Variants in OTUD4 observed in about 807,000 individuals in gnomAD.
OTUD4 encodes the protein OTU domain-containing protein 4.
In OTUD4, 24 loss-of-function variants were observed where a neutral mutation model predicts 130.4. The ratio of observed to expected loss-of-function variants is 0.18; its 90% CI spans 0.13 to 0.26. The LOEUF is 0.26. OTUD4 is among the 10% of genes least tolerant of loss of function. The pLI is 1.00. For synonymous variants in OTUD4, 420 were observed against 472.5 expected (o/e 0.89, Z 1.44); for missense variants, 1,031 against 1,329.4 (o/e 0.78, Z 3.49).
chr4:145,135,964 T>C lies in OTUD4; in HGVS notation c.*1466A>G, dbSNP rs1370052762. On this transcript the variant is annotated 3_prime_UTR_variant, in exon 21 of 21. Coordinates refer to ENST00000447906, the MANE Select transcript of OTUD4 (RefSeq NM_001366057.1). Reference sequence around the variant, plus strand: ...TTCAAGTGAATTGTATTTTCTTAAGTAATTTGCTTTACAAAAAAAGAAAGT... The same window carrying C: ...TTCAAGTGAATTGTATTTTCTTAAGCAATTTGCTTTACAAAAAAAGAAAGT... 3 of 152,640 alleles carry C rather than the reference T, an allele frequency of 2.0e-5. No homozygotes were observed. Among genetic ancestry groups the C allele is most frequent in the Non-Finnish European group, 4.4e-5 (3 of 68,020 alleles). 9.5% of individuals were successfully genotyped at this position (152,640 alleles called of 1,614,324 possible). A position where few individuals can be genotyped will look rare whatever the true frequency, so the allele number is the denominator to read the frequency against.
intron 13 of OTUD4, among the ~76,000 whole-genome samples, chr4:145,147,054 AGAGTT>A (rs552663157): frequency 5.7e-4 from 87 of 152,360 alleles, no homozygotes; most frequent in African/African-American, 1.9e-3. Flanking sequence ...ATTAATGAAT[AGAGTT>A]TAGTACCCTA....
chr4:145,152,596 C>A lies in OTUD4; in HGVS notation c.913G>T (p.Val305Phe), dbSNP rs768418667. ...DHNGKFLNAD[V>F]QGIHSENGPV... The stretch of plus-strand genomic sequence containing the variant: ...CCATTCTCAGAATGAATTCCTTGAA[C>A]ATCTGCATTCAAAAATTTTCCATTG... The change falls in exon 11 of 21, where the codon GTT becomes TTT. Residue 305 changes from valine (V) to phenylalanine (F), a missense_variant. Val to Phe is a conservative substitution (Grantham distance 50). Around this residue, in one of 3 missense-constraint regions of OTUD4, gnomAD observed 900 missense variants for 1,095.9 expected, o/e 0.82. Transcript: ENST00000447906. 6.2e-7 allele frequency: 1 copy of A among 1,612,018 alleles called. No homozygotes were observed. Among genetic ancestry groups the A allele is most frequent in the Admixed American group, 1.7e-5 (1 of 59,948 alleles).
At chr4:145,173,617 G>GT (rs1006109411) in intron 2 of OTUD4, among the ~76,000 whole-genome samples, 7 of 151,870 alleles carry the variant, frequency 4.6e-5, no homozygotes, top group African/African-American at 1.2e-4. Flanking sequence ...GCGTTACCAG[G>GT]TTTTTTTAAT....
intron 20 of OTUD4, among the ~76,000 whole-genome samples, chr4:145,139,121 G>A (rs1293976526): frequency 2.6e-5 from 4 of 152,006 alleles, no homozygotes; most frequent in Non-Finnish European, 4.4e-5. Flanking sequence ...AATCAGGGAG[G>A]GATAATGTTG....
intron 1 of OTUD4, among the ~76,000 whole-genome samples, chr4:145,179,307 GC>G (rs1253157445): frequency 6.6e-6 from 1 of 152,080 alleles, no homozygotes; most frequent in Non-Finnish European, 1.5e-5. Context: ...ACGGCAGTTT[GC>G]CCATTTGATT....
intron 13 of OTUD4, among the ~76,000 whole-genome samples, chr4:145,148,222 G>A (rs561832956): frequency 6.6e-6 from 1 of 152,290 alleles, no homozygotes; most frequent in African/African-American, 2.4e-5. Flanking sequence ...ATTAGAGGCC[G>A]GGTGCGGTGG....
chr4:145,147,338 T>C (rs550029598), intron 13 of OTUD4, among the ~76,000 whole-genome samples: 7 of 152,162 alleles, frequency 4.6e-5, no homozygotes, highest in Non-Finnish European at 7.3e-5. Context: ...ATAGGACAGA[T>C]GTCAGCCCTA....
At position 145,152,531 on chromosome 4, in the gene OTUD4, T is replaced by C; in HGVS notation, c.968+10A>G. 1.4e-6 allele frequency: 2 copies of C among 1,457,712 alleles called. No homozygotes were observed. The highest frequency in any genetic ancestry group is 1.9e-6 in the Non-Finnish European group (2 of 1,041,204). The allele number at this position is 1,457,712 out of a possible 1,614,324, so 90.3% of individuals were successfully genotyped here. A position where few individuals can be genotyped will look rare whatever the true frequency, so the allele number is the denominator to read the frequency against. Reference sequence around the variant, plus strand: ...GGCAGTAAATGCCTTAGCTGAAGAGTAGTACATACTTCTTTCCCAGTTCTT... The same window carrying C: ...GGCAGTAAATGCCTTAGCTGAAGAGCAGTACATACTTCTTTCCCAGTTCTT... On this transcript the variant is annotated intron_variant, in intron 11 of 20. Transcript: ENST00000447906.
chr4:145,146,461 CATAA>C lies in OTUD4; in HGVS notation c.1260-36_1260-33del, dbSNP rs55722437. On this transcript the variant is annotated intron_variant, in intron 13 of 20. Coordinates refer to ENST00000447906, the MANE Select transcript of OTUD4 (RefSeq NM_001366057.1). The stretch of plus-strand genomic sequence containing the variant: ...AATAAAACATTCTTGTCAGAAAATA[CATAA>C]ATAAATAAATAAATAAATAAATAAA... The C allele has an allele frequency of 6.7e-4, 632 of 946,104 alleles. 1 individual carries two copies. Among genetic ancestry groups the C allele is most frequent in the Middle Eastern group, 5.3e-3 (19 of 3,602 alleles). 58.6% of individuals were successfully genotyped at this position (946,104 alleles called of 1,614,324 possible).
Position 145,159,234 on chromosome 4 carries a change from G to A in OTUD4, c.629+269C>T. 4 of 1,238,004 alleles carry A rather than the reference G, an allele frequency of 3.2e-6. No homozygotes were observed. In the South Asian group the frequency reaches 7.3e-5, roughly 22 times the overall value. 76.7% of individuals were successfully genotyped at this position (1,238,004 alleles called of 1,614,324 possible). ...TTACAATACACACACATATAGGTAG[G>A]ACCAAATTTATTCTACAAATATGCA... On this transcript the variant is annotated intron_variant, in intron 7 of 20. Transcript: ENST00000447906.
intron 13 of OTUD4, among the ~76,000 whole-genome samples, chr4:145,147,086 T>G (rs1294426544): frequency 6.6e-6 from 1 of 152,218 alleles, no homozygotes; most frequent in Non-Finnish European, 1.5e-5. Context: ...AACCCTAATG[T>G]GTTATATGGC....
chr4:145,169,041 A>G (rs371229580), intron 3 of OTUD4, among the ~76,000 whole-genome samples: 22 of 152,386 alleles, frequency 1.4e-4, no homozygotes, highest in East Asian at 5.8e-4. Context: ...AGCCAAATAC[A>G]TAAGACTACA....
intron 18 of OTUD4, 39 bp from the exon 19 acceptor site, chr4:145,141,678 T>C: frequency 6.7e-7 from 1 of 1,495,364 alleles, no homozygotes; most frequent in Non-Finnish European, 8.9e-7. Flanking sequence ...TGACAAAAGA[T>C]GAAAATCTCT....
At chr4:145,160,191 T>G (rs1471548923) in intron 6 of OTUD4, among the ~76,000 whole-genome samples, 4 of 152,324 alleles carry the variant, frequency 2.6e-5, no homozygotes, top group African/African-American at 9.6e-5. Context: ...TGGATGCTAG[T>G]CTAAGCTTTC....
intron 14 of OTUD4, among the ~76,000 whole-genome samples, 195 bp from the exon 15 acceptor site, chr4:145,144,629 C>T (rs931436873): frequency 6.6e-6 from 1 of 152,100 alleles, no homozygotes; most frequent in Admixed American, 6.6e-5. Context: ...AGTCTTATCG[C>T]TAAGTTGAAA....
chr4:145,167,740 C>A (rs1255253556), intron 3 of OTUD4, among the ~76,000 whole-genome samples: 2 of 152,046 alleles, frequency 1.3e-5, no homozygotes, highest in African/African-American at 4.8e-5. Context: ...TGCCTGTAAT[C>A]CCAGCTACTC....
intron 7 of OTUD4, 27 bp downstream of exon 7, chr4:145,159,472 TAAGA>T: frequency 6.2e-7 from 1 of 1,611,730 alleles, no homozygotes; most frequent in Non-Finnish European, 8.5e-7. Context: ...TGTATGGCAC[TAAGA>T]AAGGTATTTT....
chr4:145,176,859 G>A (rs752116344), intron 1 of OTUD4, among the ~76,000 whole-genome samples: 1 of 152,144 alleles, frequency 6.6e-6, no homozygotes, highest in Non-Finnish European at 1.5e-5. Context: ...CTGCCTGGAC[G>A]CCTAGTATGT....
chr4:145,165,799 A>G (rs1751838292), intron 3 of OTUD4, among the ~76,000 whole-genome samples: 1 of 152,106 alleles, frequency 6.6e-6, no homozygotes, highest in Non-Finnish European at 1.5e-5. Flanking sequence ...TATTGAAGGC[A>G]AGGGCTATCC....
Sources: gnomAD v4.1 joint callset for allele counts (sites outside exome capture counted in the v4.1 genomes callset) on GRCh38, gnomAD v4.1.1 for gene constraint, gnomAD v4.1.1 regional missense constraint, MANE v1.5 for transcripts, NCBI Gene and HGNC (gene_info 2026-07-23, HGNC 2026-07-21) for gene names.